Variants in ELMOD1 observed in about 807,000 individuals in gnomAD.
ELMOD1 encodes the protein ELMO domain-containing protein 1.
A neutral mutation model predicts 46.7 loss-of-function variants in ELMOD1; 21 were observed. The ratio of observed to expected loss-of-function variants is 0.45; its 90% CI spans 0.32 to 0.65. The LOEUF is 0.65. ELMOD1 is among the 30% of genes least tolerant of loss of function. The pLI is 0.04. For synonymous variants in ELMOD1, 122 were observed against 138.2 expected (o/e 0.88, Z 0.82); for missense variants, 348 against 407.8 (o/e 0.85, Z 1.26).
At chr11:107,606,066 C>T (rs557021085) in intron 1 of ELMOD1, among the ~76,000 whole-genome samples, 18 of 152,048 alleles carry the variant, frequency 1.2e-4, no homozygotes, top group East Asian at 5.8e-4. Context: ...TTTCCTTGCC[C>T]GTTCCTTCTC....
chr11:107,635,672 C>G lies in ELMOD1; in HGVS notation c.327C>G (p.Ile109Met). 6.2e-7 allele frequency: 1 copy of G among 1,613,748 alleles called. No individual in the cohort carries two copies. The highest frequency in any genetic ancestry group is 1.1e-5 in the South Asian group (1 of 91,024). Reference protein sequence around the residue: ...GISLQACLLQIVGYRNLIADV... With the variant: ...GISLQACLLQMVGYRNLIADV... ...CTCTTCAGGCTTGCCTTCTGCAAAT[C>G]GTTGGGTACAGGAACCTTATTGCAG... The change falls in exon 6 of 12, where the codon ATC becomes ATG. Residue 109 changes from isoleucine to methionine, a missense_variant. Physicochemically the swap from Ile to Met is conservative, Grantham distance 10. Transcript: ENST00000265840.
In ELMOD1 at chr11:107,656,036, C is replaced by T. The variant is rs770329444; in HGVS notation, c.802C>T (p.Pro268Ser). 35 of 1,557,848 alleles carry T rather than the reference C, an allele frequency of 2.2e-5. No homozygotes were observed. The highest frequency in any genetic ancestry group is 2.8e-5 in the Non-Finnish European group (32 of 1,149,408). The change falls in exon 11 of 12, where the codon CCA (proline) becomes TCA (serine). Residue 268 changes from proline (P) to serine (S), a missense_variant. Physicochemically the swap from Pro to Ser is moderately conservative, Grantham distance 74. Coordinates refer to ENST00000265840, the MANE Select transcript of ELMOD1 (RefSeq NM_018712.4). The part of the protein sequence containing the change: ...THFYNIAPEA[P>S]TLSHFQQTFC... ...TTTCTACAATATCGCCCCAGAAGCT[C>T]CAACATTGTCTCACTTTCAGCAAAC...
chr11:107,603,521 A>G (rs2135655261), intron 1 of ELMOD1, among the ~76,000 whole-genome samples: 1 of 152,268 alleles, frequency 6.6e-6, no homozygotes, highest in East Asian at 1.9e-4. Flanking sequence ...CCTGGGCGAT[A>G]GAGCGAGACC....
intron 1 of ELMOD1, among the ~76,000 whole-genome samples, chr11:107,616,158 G>T (rs1865860213): frequency 2.0e-5 from 3 of 151,674 alleles, no homozygotes; most frequent in South Asian, 4.2e-4. Flanking sequence ...ACCACACCTG[G>T]CTAATTTTTG....
chr11:107,628,431 C>T (rs1021161796), intron 2 of ELMOD1, among the ~76,000 whole-genome samples: 1 of 152,284 alleles, frequency 6.6e-6, no homozygotes, highest in Admixed American at 6.5e-5. Flanking sequence ...TCCCAAAGTG[C>T]TGGTATTACA....
At chr11:107,594,208 A>G (rs893849299) in intron 1 of ELMOD1, among the ~76,000 whole-genome samples, 2 of 151,922 alleles carry the variant, frequency 1.3e-5, no homozygotes, top group Non-Finnish European at 2.9e-5. Context: ...AGGGAGTGAG[A>G]CGCCTAGCAG....
intron 6 of ELMOD1, among the ~76,000 whole-genome samples, chr11:107,646,176 C>T (rs1034782474): frequency 7.2e-5 from 11 of 152,066 alleles, no homozygotes; most frequent in African/African-American, 2.4e-4. Context: ...TGGGTCTCAG[C>T]GTCTCTCTCA....
chr11:107,624,453 C>T (rs1028719647), intron 2 of ELMOD1, among the ~76,000 whole-genome samples: 1 of 152,036 alleles, frequency 6.6e-6, no homozygotes, highest in Non-Finnish European at 1.5e-5. Flanking sequence ...GAGTTCAAGA[C>T]CAGCTTGGGC....
intron 11 of ELMOD1, among the ~76,000 whole-genome samples, chr11:107,663,795 G>C (rs1458835002): frequency 6.6e-6 from 1 of 152,010 alleles, no homozygotes; most frequent in African/African-American, 2.4e-5. Context: ...TGATTTTTTT[G>C]TACTATTAGA....
intron 1 of ELMOD1, among the ~76,000 whole-genome samples, chr11:107,603,876 TAA>T (rs34698436): frequency 1.8e-4 from 24 of 134,502 alleles, no homozygotes; most frequent in African/African-American, 2.4e-4. Context: ...AGACCTTGTC[TAA>T]AAAAAAAAAA....
At chr11:107,604,055 G>A (rs998427022) in intron 1 of ELMOD1, among the ~76,000 whole-genome samples, 6 of 151,992 alleles carry the variant, frequency 3.9e-5, no homozygotes, top group African/African-American at 1.2e-4. Context: ...GGAAAATGGA[G>A]CTTGGAGTAG....
At chr11:107,616,806 G>C (rs541091638) in intron 1 of ELMOD1, among the ~76,000 whole-genome samples, 2 of 152,216 alleles carry the variant, frequency 1.3e-5, no homozygotes, top group East Asian at 3.9e-4. Flanking sequence ...TGACTTTCTT[G>C]TGCTGCAATA....
chr11:107,610,428 C>T (rs896116068), intron 1 of ELMOD1, among the ~76,000 whole-genome samples: 19 of 151,978 alleles, frequency 1.3e-4, no homozygotes, highest in Non-Finnish European at 2.8e-4. Context: ...CTTTGGGAGG[C>T]CAAGGTGGGC....
intron 2 of ELMOD1, among the ~76,000 whole-genome samples, chr11:107,629,444 G>C (rs773914359): frequency 1.2e-4 from 19 of 152,306 alleles, no homozygotes; most frequent in Non-Finnish European, 2.6e-4. Flanking sequence ...GAGAAAATAG[G>C]TTGACTATAT....
In ELMOD1 at chr11:107,650,376, T is replaced by A; in HGVS notation, c.596T>A (p.Leu199Gln). 1 of 1,592,916 alleles carries A rather than the reference T, an allele frequency of 6.3e-7. No individual in the cohort carries two copies. ...GATGCCACAGCAGCTCAGCAGGTCC[T>A]GTCTGACTCTCTTCATCCGAAATGC... ...ERDATAAQQV[L>Q]SDSLHPKCRD... is the part of the protein sequence containing the mutation. Residue 199 changes from leucine (L) to glutamine (Q), a missense_variant, in exon 8 of 12, where the codon CTG becomes CAG. Leu to Gln is a moderately radical substitution (Grantham distance 113). Coordinates refer to ENST00000265840, the MANE Select transcript of ELMOD1 (RefSeq NM_018712.4).
intron 8 of ELMOD1, 91 bp from the exon 9 acceptor site, chr11:107,650,793 CT>C (rs991080673): frequency 1.1e-4 from 94 of 852,428 alleles, no homozygotes; most frequent in South Asian, 2.7e-4. Context: ...ATTACTAAGG[CT>C]TTTTTTTTCT....
intron 2 of ELMOD1, among the ~76,000 whole-genome samples, chr11:107,622,601 G>T (rs1323601226): frequency 6.6e-6 from 1 of 152,226 alleles, no homozygotes; most frequent in African/African-American, 2.4e-5. Flanking sequence ...AAGTCACATA[G>T]TTCATTGAGG....
chr11:107,623,126 T>TCC, intron 2 of ELMOD1, among the ~76,000 whole-genome samples: 1 of 151,466 alleles, frequency 6.6e-6, no homozygotes, highest in East Asian at 1.9e-4. Context: ...CCCTCCCCGA[T>TCC]TCCCCCACCC....
chr11:107,620,741 G>C (rs573428316), intron 2 of ELMOD1, among the ~76,000 whole-genome samples: 1 of 152,356 alleles, frequency 6.6e-6, no homozygotes, highest in Admixed American at 6.5e-5. Flanking sequence ...GCACATGCCT[G>C]TAGTCCCAGT....
Sources: allele counts gnomAD v4.1 joint callset (sites outside exome capture counted in the v4.1 genomes callset), GRCh38; gene constraint gnomAD v4.1.1; transcripts MANE v1.5; gene names NCBI Gene and HGNC (gene_info 2026-07-23, HGNC 2026-07-21).